Variants in CRADD observed in about 807,000 individuals in gnomAD.
CRADD encodes CARD and death domain containing adaptor protein.
In CRADD, 9 loss-of-function variants were observed where a neutral mutation model predicts 15.5. That is an observed-to-expected ratio of 0.58 (90% CI 0.35 to 1.01). The LOEUF (loss-of-function observed/expected upper bound fraction) is 1.01, where lower values mean the gene tolerates loss of function less well. Among genes scored for constraint, CRADD ranks in the 50% least tolerant of loss-of-function variants. CRADD has a pLI of 0.02. For missense variants in CRADD, 227 were observed against 250.3 expected (o/e 0.91, Z 0.63); for synonymous variants, 118 against 107.6 (o/e 1.10, Z -0.60).
At chr12:93,886,408 G>T (rs962745875) in intron 2 of CRADD, among the ~76,000 whole-genome samples, 1 of 152,060 alleles carries the variant, frequency 6.6e-6, no homozygotes, top group African/African-American at 2.4e-5. Flanking sequence ...CGATCTGTCC[G>T]CCTTGGCCTG....
At chr12:93,749,114 G>C (rs1956802228) in intron 2 of CRADD, among the ~76,000 whole-genome samples, 1 of 152,196 alleles carries the variant, frequency 6.6e-6, no homozygotes, top group Admixed American at 6.5e-5. Flanking sequence ...GGAAACAAAT[G>C]AGGGAACTAT....
chr12:93,808,373 A>G (rs1225458175), intron 2 of CRADD, among the ~76,000 whole-genome samples: 3 of 152,134 alleles, frequency 2.0e-5, no homozygotes, highest in Admixed American at 6.6e-5. Context: ...GGGAACTCCC[A>G]TTTATAAAAC....
chr12:93,850,044 C>T lies in CRADD; in HGVS notation c.373C>T (p.Gln125Ter). The T allele has an allele frequency of 6.2e-7, 1 of 1,611,834 alleles. No individual in the cohort carries two copies. Among genetic ancestry groups the T allele is most frequent in the Non-Finnish European group, 8.5e-7 (1 of 1,177,862 alleles). ...PSDRQINQLA[Q>*]RLGPEWEPMV... ...AGACCGGCAGATTAACCAGCTGGCC[C>T]AGAGGCTGGGCCCTGAGTGGGAGCC... Residue 125 changes from glutamine (Q) to a stop codon, truncating the protein, a stop_gained, in exon 3 of 3, where the codon CAG becomes TAG. Coordinates refer to ENST00000332896, the MANE Select transcript of CRADD (RefSeq NM_003805.5). LOFTEE classifies it high-confidence loss of function. The surrounding 1 kb of genome is among the most constrained non-coding windows in gnomAD (Gnocchi z 4.0).
chr12:93,872,798 T>G (rs965989898), intron 2 of CRADD, among the ~76,000 whole-genome samples: 2 of 152,180 alleles, frequency 1.3e-5, no homozygotes, highest in Admixed American at 1.3e-4. Context: ...CATACTGTTT[T>G]GGTTACTATA....
chr12:93,776,567 AG>A (rs1957142584), intron 2 of CRADD, among the ~76,000 whole-genome samples: 1 of 152,168 alleles, frequency 6.6e-6, no homozygotes, highest in Non-Finnish European at 1.5e-5. Flanking sequence ...GGGTACTAAA[AG>A]TAAGTGGCGG....
downstream of CRADD, among the ~76,000 whole-genome samples, chr12:93,854,052 T>C (rs1369888451): frequency 1.3e-5 from 2 of 152,222 alleles, no homozygotes; most frequent in African/African-American, 4.8e-5. Flanking sequence ...AATTTTGTTC[T>C]CAATTAGCTT....
At chr12:93,777,867 GCATACATTAAATCAAACCATGACCTC>G (rs1349220135) in intron 2 of CRADD, among the ~76,000 whole-genome samples, 9 of 152,196 alleles carry the variant, frequency 5.9e-5, no homozygotes, top group South Asian at 2.1e-4. Context: ...TGGCTCCGTG[GCATACATTAAATCAAACCATGACCTC>G]CATACATTAA....
chr12:93,705,888 A>G (rs1241621125), intron 2 of CRADD, among the ~76,000 whole-genome samples: 1 of 152,222 alleles, frequency 6.6e-6, no homozygotes, highest in African/African-American at 2.4e-5. Flanking sequence ...AATGTGATGT[A>G]GTATAGGAAC....
intron 2 of CRADD, among the ~76,000 whole-genome samples, chr12:93,735,309 A>G (rs921756066): frequency 6.6e-6 from 1 of 152,218 alleles, no homozygotes; most frequent in Non-Finnish European, 1.5e-5. Flanking sequence ...TGTGTAAATA[A>G]AGATAGAGTA....
intron 2 of CRADD, among the ~76,000 whole-genome samples, chr12:93,687,203 C>A (rs1955459369): frequency 6.6e-6 from 1 of 152,200 alleles, no homozygotes; most frequent in Non-Finnish European, 1.5e-5. Flanking sequence ...AAACATGTGA[C>A]AGGTCTTGCC....
intron 2 of CRADD, among the ~76,000 whole-genome samples, chr12:93,847,419 A>G (rs1009821522): frequency 6.9e-6 from 1 of 145,636 alleles, no homozygotes; most frequent in Non-Finnish European, 1.5e-5. Flanking sequence ...ATATTAAGTT[A>G]TTATTCCAGT....
At chr12:93,714,167 A>G (rs753736545) in intron 2 of CRADD, among the ~76,000 whole-genome samples, 1 of 152,224 alleles carries the variant, frequency 6.6e-6, no homozygotes, top group Non-Finnish European at 1.5e-5. Flanking sequence ...GAGATAATGA[A>G]TTCCTTGTCA....
At position 93,814,187 on chromosome 12, in the gene CRADD, G is replaced by A. The variant is rs539365256; in HGVS notation, c.299-35783G>A. 2.0e-5 allele frequency among the ~76,000 whole-genome samples: 3 copies of A among 152,284 alleles called. No individual in the cohort carries two copies. The East Asian group carries it at 5.8e-4, about 29-fold the overall frequency. On this transcript the variant is annotated intron_variant, in intron 2 of 2. Coordinates refer to ENST00000332896, the MANE Select transcript of CRADD (RefSeq NM_003805.5). ...CCCATAACTACTGTCATTCAAACAG[G>A]ATCTAGTTTCTTGGCATGAGCAAAT...
At chr12:93,775,070 TGAAA>T (rs1321138328) in intron 2 of CRADD, among the ~76,000 whole-genome samples, 1 of 151,962 alleles carries the variant, frequency 6.6e-6, no homozygotes, top group Non-Finnish European at 1.5e-5. Flanking sequence ...TTGAGAAAAA[TGAAA>T]GAAAGAAACT....
At chr12:93,877,884 C>T (rs1486229477) in intron 2 of CRADD, among the ~76,000 whole-genome samples, 1 of 152,070 alleles carries the variant, frequency 6.6e-6, no homozygotes, top group Non-Finnish European at 1.5e-5. Flanking sequence ...GACAGAGTTC[C>T]CTTTGCTTTT....
chr12:93,758,691 G>T (rs1182372858), intron 2 of CRADD, among the ~76,000 whole-genome samples: 1 of 152,030 alleles, frequency 6.6e-6, no homozygotes, highest in Non-Finnish European at 1.5e-5. Context: ...AAGGCAAATT[G>T]CTTTGTTATT....
At chr12:93,707,730 G>T in intron 2 of CRADD, 1 of 152,244 alleles carries the variant, frequency 6.6e-6, no homozygotes. Context: ...CTTTTCATTG[G>T]GAGAAGAAAC....
At chr12:93,839,604 C>G (rs1958024548) in intron 2 of CRADD, among the ~76,000 whole-genome samples, 3 of 152,208 alleles carry the variant, frequency 2.0e-5, no homozygotes, top group Non-Finnish European at 4.4e-5. Flanking sequence ...CCAGCCTAAG[C>G]TTGGTATTGT....
intron 2 of CRADD, among the ~76,000 whole-genome samples, chr12:93,791,850 T>C (rs1016831486): frequency 6.6e-6 from 1 of 151,512 alleles, no homozygotes; most frequent in Non-Finnish European, 1.5e-5. Flanking sequence ...AAATACTATA[T>C]TGTTTCAAAA....
Sources: allele counts gnomAD v4.1 joint callset (sites outside exome capture counted in the v4.1 genomes callset), GRCh38; gene constraint gnomAD v4.1.1; non-coding constraint Gnocchi (gnomAD v3.1); transcripts MANE v1.5; gene names NCBI Gene and HGNC (gene_info 2026-07-23, HGNC 2026-07-21).